The following CDKAL1 variants were observed in gnomAD, a reference collection of about 807,000 sequenced individuals.
CDKAL1 encodes CDKAL1 threonylcarbamoyladenosine tRNA methylthiotransferase.
In CDKAL1, 32 loss-of-function variants were observed where a neutral mutation model predicts 68.2. The observed-to-expected ratio is 0.47, with a 90% CI of 0.35 to 0.63. The LOEUF (loss-of-function observed/expected upper bound fraction) is 0.63, where lower values mean the gene tolerates loss of function less well. CDKAL1 is among the 30% of genes least tolerant of loss of function. CDKAL1 has a pLI of 0.00. For missense variants in CDKAL1, 606 were observed against 696.7 expected (o/e 0.87, Z 1.47); for synonymous variants, 234 against 244.3 (o/e 0.96, Z 0.39).
At chr6:20,891,955 C>T (rs1341751900) in intron 9 of CDKAL1, among the ~76,000 whole-genome samples, 1 of 150,888 alleles carries the variant, frequency 6.6e-6, no homozygotes, top group Non-Finnish European at 1.5e-5. Flanking sequence ...CTTTCAATTA[C>T]TGCAGCATCC....
At position 21,228,658 on chromosome 6, in the gene CDKAL1, C is replaced by T. The variant is rs148825793; in HGVS notation, c.1549-2190C>T. Among the ~76,000 whole-genome samples, 117 of 152,264 alleles carry T rather than the reference C, an allele frequency of 7.7e-4. 3 individuals carry two copies. The highest frequency in any genetic ancestry group is 2.7e-3 in the African/African-American group (111 of 41,542). On this transcript the variant is annotated intron_variant, in intron 15 of 15. Coordinates refer to ENST00000274695, the MANE Select transcript of CDKAL1 (RefSeq NM_017774.3). ...TTCATTCCTAAACACTTACTGAGTA[C>T]CTGCTCTGTGACTGCAGCCTGCTAG...
intron 11 of CDKAL1, among the ~76,000 whole-genome samples, chr6:21,045,605 G>T (rs1443545278): frequency 6.6e-6 from 1 of 152,146 alleles, no homozygotes; most frequent in African/African-American, 2.4e-5. Context: ...ATCTGGTGAG[G>T]ATTTTTCCTA....
chr6:21,097,661 A>G (rs1221796472), intron 12 of CDKAL1, among the ~76,000 whole-genome samples: 1 of 152,188 alleles, frequency 6.6e-6, no homozygotes, highest in Non-Finnish European at 1.5e-5. Context: ...TCTCTCAACA[A>G]AAGATACTAA....
chr6:21,015,078 T>G (rs1768250356), intron 11 of CDKAL1, among the ~76,000 whole-genome samples: 2 of 152,238 alleles, frequency 1.3e-5, no homozygotes, highest in South Asian at 4.1e-4. Flanking sequence ...ACTGCTTCTA[T>G]TAACAATCCC....
chr6:20,837,728 T>C (rs1262236527), intron 8 of CDKAL1, among the ~76,000 whole-genome samples: 1 of 139,068 alleles, frequency 7.2e-6, no homozygotes, highest in Non-Finnish European at 1.6e-5. Context: ...AGCATAAATT[T>C]GGCTTCACTT....
At chr6:21,014,701 AT>A (rs1340823560) in intron 11 of CDKAL1, among the ~76,000 whole-genome samples, 5 of 151,944 alleles carry the variant, frequency 3.3e-5, no homozygotes, top group Non-Finnish European at 7.4e-5. Context: ...TAAGTATCTA[AT>A]TATGTTCTCT....
chr6:21,021,887 G>A (rs1212858524), intron 11 of CDKAL1, among the ~76,000 whole-genome samples: 1 of 152,120 alleles, frequency 6.6e-6, no homozygotes, highest in Non-Finnish European at 1.5e-5. Flanking sequence ...GTTGCTGGTG[G>A]TTAGTTTTGT....
At chr6:21,075,583 C>T (rs1772029577) in intron 12 of CDKAL1, among the ~76,000 whole-genome samples, 1 of 151,922 alleles carries the variant, frequency 6.6e-6, no homozygotes, top group Admixed American at 6.6e-5. Flanking sequence ...TTAGCTTTTA[C>T]AAGACTATAA....
chr6:21,070,396 T>C (rs868655033), intron 12 of CDKAL1, among the ~76,000 whole-genome samples: 701 of 54,432 alleles, frequency 0.013, 11 homozygotes, highest in African/African-American at 0.064. Flanking sequence ...TTTTTGTTTC[T>C]CTCTTTTTTT....
rs1289076500 is a variant in CDKAL1 at position 21,206,255 on chromosome 6, CA to C, written c.1548+4988del. Among the ~76,000 whole-genome samples the C allele has an allele frequency of 3.3e-5, 5 of 151,244 alleles. No homozygotes were observed. In the East Asian group the frequency reaches 9.7e-4, roughly 29 times the overall value. ...TACCAGAGTAAACTTACACTGGATA[CA>C]AAAAAATAATAAGTAAGAGAGAGAG... On this transcript the variant is annotated intron_variant, in intron 15 of 15. Coordinates refer to ENST00000274695, the MANE Select transcript of CDKAL1 (RefSeq NM_017774.3).
intron 14 of CDKAL1, among the ~76,000 whole-genome samples, chr6:21,200,179 C>A (rs1192278019): frequency 2.6e-5 from 4 of 152,202 alleles, no homozygotes; most frequent in African/African-American, 9.7e-5. Flanking sequence ...ACATCACACA[C>A]ACAAGCTACC....
intron 9 of CDKAL1, among the ~76,000 whole-genome samples, chr6:20,905,634 A>G (rs1002144845): frequency 1.3e-5 from 2 of 152,196 alleles, no homozygotes; most frequent in African/African-American, 4.8e-5. Context: ...CCACATCGAG[A>G]CACATTATCA....
chr6:20,753,445 G>A (rs1774019875), intron 6 of CDKAL1, among the ~76,000 whole-genome samples: 1 of 152,114 alleles, frequency 6.6e-6, no homozygotes, highest in South Asian at 2.1e-4. Flanking sequence ...TCTTACCATT[G>A]TGTATCAGCT....
rs375889238 is a variant in CDKAL1, at chr6:20,785,555, C to T, written c.638+4290C>T. Among the ~76,000 whole-genome samples the T allele has an allele frequency of 7.0e-4, 107 of 152,206 alleles. 1 individual carries two copies. The highest frequency in any genetic ancestry group is 2.4e-3 in the African/African-American group (100 of 41,552). On this transcript the variant is annotated intron_variant, in intron 8 of 15. Transcript: ENST00000274695. The stretch of plus-strand genomic sequence containing the variant: ...CTCGAACTCCTGACTTTGTGATCCA[C>T]CCACCTCAGCCTCCCAAATTGCTGG...
intron 5 of CDKAL1, among the ~76,000 whole-genome samples, chr6:20,735,369 G>C (rs1177184573): frequency 6.6e-6 from 1 of 152,124 alleles, no homozygotes; most frequent in African/African-American, 2.4e-5. Flanking sequence ...TTACAATCAT[G>C]GCAGAAGGCA....
chr6:20,714,680 A>G (rs2127835112), intron 5 of CDKAL1, among the ~76,000 whole-genome samples: 2 of 152,200 alleles, frequency 1.3e-5, no homozygotes, highest in Middle Eastern at 6.8e-3. Context: ...TTTCACTGAA[A>G]TGAAAATTGG....
At chr6:21,062,926 GT>G (rs869118872) in intron 11 of CDKAL1, among the ~76,000 whole-genome samples, 1 of 101,874 alleles carries the variant, frequency 9.8e-6, no homozygotes, top group Non-Finnish European at 2.0e-5. Context: ...TTGTTTGTTT[GT>G]TTTTTGAGAC....
chr6:20,919,618 T>C (rs752527009), intron 9 of CDKAL1, among the ~76,000 whole-genome samples: 3 of 152,206 alleles, frequency 2.0e-5, no homozygotes, highest in African/African-American at 7.2e-5. Context: ...GGTTTCCAGC[T>C]TCATCCATGT....
chr6:20,708,151 C>T (rs1334436471), intron 5 of CDKAL1, among the ~76,000 whole-genome samples: 2 of 152,162 alleles, frequency 1.3e-5, no homozygotes, highest in Non-Finnish European at 2.9e-5. Flanking sequence ...TTAAACAATT[C>T]AGTGGCTACT....
Sources: gnomAD v4.1 joint callset for allele counts (sites outside exome capture counted in the v4.1 genomes callset) on GRCh38, gnomAD v4.1.1 for gene constraint, MANE v1.5 for transcripts, NCBI Gene and HGNC (gene_info 2026-07-23, HGNC 2026-07-21) for gene names.